Variants in SYT16 observed in about 807,000 individuals in gnomAD.
SYT16 encodes the protein synaptotagmin 16.
A neutral mutation model predicts 61.4 loss-of-function variants in SYT16; 42 were observed. The observed-to-expected ratio is 0.68, with a 90% CI of 0.53 to 0.89. SYT16 has a LOEUF of 0.89. Ranked by LOEUF, SYT16 falls within the 40% of genes least tolerant of loss-of-function variation. The pLI is 0.00. For synonymous variants in SYT16, 314 were observed against 302.3 expected (o/e 1.04, Z -0.40); for missense variants, 804 against 807.3 (o/e 1.00, Z 0.05).
Position 61,954,941 on chromosome 14 carries a change from T to A in SYT16, c.-324-15191T>A, listed in dbSNP as rs983787544. 1.3e-4 allele frequency among the ~76,000 whole-genome samples: 20 copies of A among 152,282 alleles called. No homozygotes were observed. The South Asian group carries it at 3.7e-3, about 28-fold the overall frequency. ...ACAAAATCTAAGGAAATTATGATTT[T>A]AAAAAATATATATATTTTGAATTTA... On this transcript the variant is annotated intron_variant, in intron 1 of 7. Transcript: ENST00000683842.
At position 62,103,591 on chromosome 14, in the gene SYT16, T is replaced by A. The variant is rs575270905; in HGVS notation, c.*2884T>A. 3 of 152,378 alleles carry A rather than the reference T, an allele frequency of 2.0e-5. No individual in the cohort carries two copies. In the South Asian group the frequency reaches 6.2e-4, roughly 32 times the overall value. 9.4% of individuals were successfully genotyped at this position (152,378 alleles called of 1,614,324 possible). A position where few individuals can be genotyped will look rare whatever the true frequency, so the allele number is the denominator to read the frequency against. ...CTACTCCCCTCTGACTATTGTTGAA[T>A]TTTTAAATGGACCATTCACCAGGCA... On this transcript the variant is annotated 3_prime_UTR_variant, in exon 8 of 8. Coordinates refer to ENST00000683842, the MANE Select transcript of SYT16 (RefSeq NM_001367656.1).
intron 1 of SYT16, among the ~76,000 whole-genome samples, chr14:61,911,255 C>G (rs575285262): frequency 6.4e-4 from 98 of 152,290 alleles, no homozygotes; most frequent in Middle Eastern, 3.4e-3. Flanking sequence ...TAGAACCTAC[C>G]TAGGCTTGGA....
chr14:61,957,403 C>G (rs1204779776), intron 1 of SYT16, among the ~76,000 whole-genome samples: 1 of 151,896 alleles, frequency 6.6e-6, no homozygotes, highest in East Asian at 1.9e-4. Flanking sequence ...TAGAGGGAAG[C>G]TTTCCACTTT....
chr14:62,033,283 A>C (rs890332819), intron 3 of SYT16, among the ~76,000 whole-genome samples: 1 of 152,070 alleles, frequency 6.6e-6, no homozygotes, highest in African/African-American at 2.4e-5. Flanking sequence ...TTTTCTCCTG[A>C]AAGTCAAAGT....
intron 1 of SYT16, among the ~76,000 whole-genome samples, chr14:61,943,096 A>G (rs1396771508): frequency 1.3e-5 from 2 of 152,224 alleles, no homozygotes; most frequent in East Asian, 1.9e-4. Context: ...AGAGAATACT[A>G]TAAACACCCC....
intron 1 of SYT16, among the ~76,000 whole-genome samples, chr14:61,948,271 G>T (rs1262895657): frequency 6.6e-6 from 1 of 152,030 alleles, no homozygotes; most frequent in African/African-American, 2.4e-5. Context: ...AGCCATGTTC[G>T]TGAAATCATC....
intron 1 of SYT16, among the ~76,000 whole-genome samples, chr14:61,932,097 T>C (rs1484861384): frequency 6.6e-6 from 1 of 152,204 alleles, no homozygotes; most frequent in Non-Finnish European, 1.5e-5. Flanking sequence ...CTTTAACCAG[T>C]TGAACACACA....
chr14:62,074,862 C>T (rs763526576), intron 4 of SYT16, among the ~76,000 whole-genome samples: 6 of 152,064 alleles, frequency 3.9e-5, no homozygotes, highest in Non-Finnish European at 8.8e-5. Flanking sequence ...AATGCTGTGT[C>T]GATTTTATCC....
At chr14:61,843,719 G>C (rs1338429690) in intron 1 of SYT16, among the ~76,000 whole-genome samples, 4 of 152,122 alleles carry the variant, frequency 2.6e-5, no homozygotes, top group African/African-American at 9.7e-5. Flanking sequence ...CACAATAAGT[G>C]TGTGGATTGT....
intron 6 of SYT16, among the ~76,000 whole-genome samples, chr14:62,082,863 T>C (rs1038178102): frequency 6.6e-6 from 1 of 152,192 alleles, no homozygotes; most frequent in African/African-American, 2.4e-5. Context: ...AAGTCTTTCA[T>C]TCACCAGTTA....
intron 1 of SYT16, among the ~76,000 whole-genome samples, chr14:61,948,641 G>A (rs145114547): frequency 1.3e-5 from 2 of 152,140 alleles, no homozygotes; most frequent in Non-Finnish European, 2.9e-5. Context: ...AGAGATATAC[G>A]TGCCAGATTA....
At chr14:62,037,294 C>T (rs1254148739) in intron 3 of SYT16, among the ~76,000 whole-genome samples, 1 of 152,088 alleles carries the variant, frequency 6.6e-6, no homozygotes, top group Non-Finnish European at 1.5e-5. Context: ...TCCTTGCATA[C>T]TCTGTCATCT....
At chr14:61,858,923 C>T (rs1343019500) in intron 1 of SYT16, among the ~76,000 whole-genome samples, 1 of 150,140 alleles carries the variant, frequency 6.7e-6, no homozygotes, top group Non-Finnish European at 1.5e-5. Context: ...TGTGCGATCT[C>T]GGCTCACTGC....
chr14:62,062,495 A>C (rs980831846), intron 3 of SYT16, among the ~76,000 whole-genome samples: 1 of 152,218 alleles, frequency 6.6e-6, no homozygotes, highest in Non-Finnish European at 1.5e-5. Context: ...CTACGTTGGC[A>C]TTGAAGCTCC....
intron 1 of SYT16, among the ~76,000 whole-genome samples, chr14:61,876,113 A>C (rs1438826724): frequency 6.6e-6 from 1 of 152,160 alleles, no homozygotes; most frequent in Non-Finnish European, 1.5e-5. Flanking sequence ...TACTGTGTTT[A>C]CTAGGGATAT....
chr14:61,918,939 T>A (rs2049225874), intron 1 of SYT16, among the ~76,000 whole-genome samples: 1 of 152,176 alleles, frequency 6.6e-6, no homozygotes, highest in Non-Finnish European at 1.5e-5. Context: ...AAAACATTTT[T>A]ATAACTTTTG....
intron 1 of SYT16, among the ~76,000 whole-genome samples, chr14:61,867,653 A>G (rs938722804): frequency 6.6e-6 from 1 of 152,128 alleles, no homozygotes; most frequent in Non-Finnish European, 1.5e-5. Flanking sequence ...ACAATAAAAA[A>G]CAATACTATT....
chr14:62,036,069 T>G (rs1354862222), intron 3 of SYT16, among the ~76,000 whole-genome samples: 1 of 152,038 alleles, frequency 6.6e-6, no homozygotes, highest in Non-Finnish European at 1.5e-5. Context: ...AGGGAGAGCT[T>G]CAGATTATTT....
chr14:62,075,844 G>A (rs1475656239), intron 5 of SYT16, among the ~76,000 whole-genome samples: 6 of 152,094 alleles, frequency 3.9e-5, no homozygotes, highest in Non-Finnish European at 7.4e-5. Flanking sequence ...TTTGAAAATT[G>A]AACTAAAATG....
Sources: gnomAD v4.1 joint callset for allele counts (sites outside exome capture counted in the v4.1 genomes callset) on GRCh38, gnomAD v4.1.1 for gene constraint, MANE v1.5 for transcripts, NCBI Gene and HGNC (gene_info 2026-07-23, HGNC 2026-07-21) for gene names.